The following ANO9 variants were observed in gnomAD, a reference collection of about 807,000 sequenced individuals.
ANO9 encodes anoctamin 9.
In ANO9, 80 loss-of-function variants were observed where a neutral mutation model predicts 100.5. The observed-to-expected ratio is 0.80, with a 90% CI of 0.66 to 0.96. ANO9 has a LOEUF of 0.96. Ranked by LOEUF, ANO9 falls within the 40% of genes least tolerant of loss-of-function variation. ANO9 has a pLI of 0.00. For synonymous variants in ANO9, 473 were observed against 435.6 expected, an observed-to-expected ratio of 1.09 and a Z score of -1.07; for missense variants, 1,064 against 1,072.7, an observed-to-expected ratio of 0.99 and a Z score of 0.11.
intron 1 of ANO9, among the ~76,000 whole-genome samples, chr11:435,122 T>G (rs1473538485): frequency 6.6e-6 from 1 of 152,172 alleles, no homozygotes; most frequent in African/African-American, 2.4e-5. Context: ...TAGCATAGCA[T>G]AGCATAGTGT....
intron 15 of ANO9, among the ~76,000 whole-genome samples, chr11:424,652 G>T (rs1222627052): frequency 6.6e-6 from 1 of 152,158 alleles, no homozygotes; most frequent in African/African-American, 2.4e-5. Flanking sequence ...TCACAGAGGA[G>T]TAAGAGGAGA....
chr11:439,554 T>C (rs575939051), intron 1 of ANO9, among the ~76,000 whole-genome samples: 2 of 152,052 alleles, frequency 1.3e-5, no homozygotes, highest in African/African-American at 4.8e-5. Context: ...ACGACGCACA[T>C]CCCCCCAGCT....
Position 420,513 on chromosome 11 carries a change from T to C in ANO9, c.1736A>G (p.Lys579Arg). 3 of 1,605,582 alleles carry C rather than the reference T, an allele frequency of 1.9e-6. No individual in the cohort carries two copies. The highest frequency in any genetic ancestry group is 2.5e-6 in the Non-Finnish European group (3 of 1,179,598). ...NLVEIRLDAIKMVWLQRRLVP... is the reference protein window; with the variant it reads ...NLVEIRLDAIRMVWLQRRLVP... ...CAGGCGCCGCTGCAACCAGACCATCTTGATGGCGTCCAGGCGGATCTCCAC... is the reference window on the plus strand; with the variant it reads ...CAGGCGCCGCTGCAACCAGACCATCCTGATGGCGTCCAGGCGGATCTCCAC... The change falls in exon 19 of 23, where the codon AAG (lysine) becomes AGG (arginine). Residue 579 changes from lysine (K) to arginine (R), a missense_variant. Lys to Arg is a conservative substitution (Grantham distance 26, BLOSUM62 2). Coordinates refer to ENST00000332826, the MANE Select transcript of ANO9 (RefSeq NM_001012302.3).
chr11:429,814 G>A lies in ANO9; in HGVS notation c.776C>T (p.Thr259Ile). The A allele has an allele frequency of 6.2e-7, 1 of 1,603,166 alleles. No homozygotes were observed. Among genetic ancestry groups the A allele is most frequent in the African/African-American group, 1.3e-5 (1 of 74,864 alleles). Residue 259 changes from threonine (T) to isoleucine (I), a missense_variant, in exon 10 of 23, where the codon ACC (threonine) becomes ATC (isoleucine). Thr to Ile is a moderately conservative substitution (Grantham distance 89, BLOSUM62 -1). Transcript: ENST00000332826. The part of the protein sequence containing the change: ...LSETCTFAKL[T>I]HLFDNDGTVV... ...CGTGCCATCATTGTCAAAGAGGTGG[G>A]TGAGCTGGGGGGGTGATAGGTGGGC...
Position 433,532 on chromosome 11 carries a change from C to T in ANO9, c.205-73G>A, listed in dbSNP as rs7395790. 8.6e-5 allele frequency: 135 copies of T among 1,577,170 alleles called. 1 individual carries two copies. The highest frequency in any genetic ancestry group is 1.0e-4 in the Non-Finnish European group (117 of 1,164,584). On this transcript the variant is annotated intron_variant, in intron 3 of 22. Transcript: ENST00000332826. ...CTATCCCGCCTCAGAACCCTCCCCC[C>T]TCTATTCCACCTCAGAACCCTCCCC... is the stretch of plus-strand genomic sequence containing the variant.
At chr11:434,226 A>G in intron 1 of ANO9, 128 bp from the exon 2 acceptor site, 1 of 1,103,684 alleles carries the variant, frequency 9.1e-7, no homozygotes, top group South Asian at 1.6e-5. Flanking sequence ...AACAGCAAAG[A>G]GTCCCGAGGA....
chr11:422,978 C>T lies in ANO9; in HGVS notation c.1335-1780G>A, dbSNP rs956814370. 1.1e-4 allele frequency among the ~76,000 whole-genome samples: 16 copies of T among 151,814 alleles called. No homozygotes were observed. The highest frequency in any genetic ancestry group is 2.2e-4 in the Non-Finnish European group (15 of 67,970). On this transcript the variant is annotated intron_variant, in intron 15 of 22. Transcript: ENST00000332826. This position sits in a 1 kb window ranked among gnomAD's most constrained non-coding sequence, Gnocchi z 4.3. The stretch of plus-strand genomic sequence containing the variant: ...CTGAGTAGCTGGGATTACAGGTGCG[C>T]GCCACCACGCCTGGCTAATTTTTGT...
At chr11:428,260 G>A in intron 14 of ANO9, 61 bp from the exon 15 acceptor site, 1 of 1,607,024 alleles carries the variant, frequency 6.2e-7, no homozygotes, top group Non-Finnish European at 8.5e-7. Flanking sequence ...GGGGCAGCAG[G>A]AAGGGTCCCC....
At chr11:419,498 A>C (rs1316057105) in intron 20 of ANO9, 84 bp downstream of exon 20, 1 of 1,541,112 alleles carries the variant, frequency 6.5e-7, no homozygotes, top group Non-Finnish European at 8.8e-7. Context: ...AGCCATTCCC[A>C]GGAGAAAGGG....
At chr11:433,992 G>C (rs756571222) in intron 2 of ANO9, 32 bp downstream of exon 2, 3 of 1,550,940 alleles carry the variant, frequency 1.9e-6, no homozygotes, top group African/African-American at 2.7e-5. Context: ...GCAGGGCCAG[G>C]TGGGGCCCGG....
chr11:434,419 C>G (rs561585010), intron 1 of ANO9, among the ~76,000 whole-genome samples: 69 of 152,324 alleles, frequency 4.5e-4, no homozygotes, highest in African/African-American at 1.5e-3. Flanking sequence ...GACGGGAACT[C>G]CAGAACAGCC....
chr11:419,073 G>A (rs991975253), intron 20 of ANO9, 84 bp from the exon 21 acceptor site: 4 of 1,592,966 alleles, frequency 2.5e-6, no homozygotes, highest in Non-Finnish European at 3.4e-6. Context: ...AGCCTGCGTT[G>A]TGGAGCAAAC....
At chr11:441,860 C>G in intron 1 of ANO9, 61 bp downstream of exon 1, 1 of 1,583,716 alleles carries the variant, frequency 6.3e-7, no homozygotes, top group South Asian at 1.1e-5. Context: ...GGCCGGGGGC[C>G]CCAGGTGTGG....
chr11:419,835 G>C, intron 19 of ANO9, 106 bp from the exon 20 acceptor site: 1 of 1,528,504 alleles, frequency 6.5e-7, no homozygotes, highest in South Asian at 1.3e-5. Context: ...TCTGTGCGTG[G>C]TGTCCCCTTG....
intron 1 of ANO9, among the ~76,000 whole-genome samples, chr11:437,041 G>A (rs1403786060): frequency 1.5e-5 from 2 of 133,490 alleles, no homozygotes; most frequent in Middle Eastern, 4.1e-3. Flanking sequence ...GTGAGCGGGG[G>A]GTGCGTGGGG....
At chr11:419,381 G>T in intron 20 of ANO9, 1 of 1,421,220 alleles carries the variant, frequency 7.0e-7, no homozygotes, top group Non-Finnish European at 9.2e-7. Flanking sequence ...TGCGGTCCTG[G>T]CCAGTTATCC....
In ANO9 at chr11:418,417, T is replaced by C; in HGVS notation, c.2303A>G (p.His768Arg). ...GAGSRPPMPA[H>R]PTPASIFSAR... is the part of the protein sequence containing the mutation. ...ACTGAAGATGGATGCTGGGGTGGGA[T>C]GGGCAGGCATTGGGGGCCGAGAGCC... is the stretch of plus-strand genomic sequence containing the variant. The change falls in exon 23 of 23, where the codon CAT becomes CGT. Residue 768 changes from histidine (H) to arginine (R), a missense_variant. Physicochemically the swap from His to Arg is conservative, Grantham distance 29. Coordinates refer to ENST00000332826, the MANE Select transcript of ANO9 (RefSeq NM_001012302.3). 1 of 1,612,516 alleles carries C rather than the reference T, an allele frequency of 6.2e-7. No individual in the cohort carries two copies. Among genetic ancestry groups the C allele is most frequent in the East Asian group, 2.2e-5 (1 of 44,882 alleles).
rs1302207100 is a variant in ANO9 at position 418,708 on chromosome 11, G to A, written c.2130+12C>T. The A allele has an allele frequency of 3.1e-6, 5 of 1,612,726 alleles. No individual in the cohort carries two copies. Among genetic ancestry groups the A allele is most frequent in the Non-Finnish European group, 4.2e-6 (5 of 1,179,974 alleles). ...CAGACCCACTCCGAGGCCTCTCCCG[G>A]TTCTGGCTCACCTCAAAGAGGATGA... On this transcript the variant is annotated intron_variant, in intron 22 of 22. Coordinates refer to ENST00000332826, the MANE Select transcript of ANO9 (RefSeq NM_001012302.3).
intron 2 of ANO9, 30 bp downstream of exon 2, chr11:433,994 G>A (rs1287629894): frequency 6.4e-7 from 1 of 1,550,820 alleles, no homozygotes; most frequent in Non-Finnish European, 8.7e-7. Flanking sequence ...AGGGCCAGGT[G>A]GGGCCCGGGA....
Sources: gnomAD v4.1 joint callset for allele counts (sites outside exome capture counted in the v4.1 genomes callset) on GRCh38, gnomAD v4.1.1 for gene constraint, Gnocchi (gnomAD v3.1) non-coding constraint, MANE v1.5 for transcripts, NCBI Gene and HGNC (gene_info 2026-07-23, HGNC 2026-07-21) for gene names.